The following DNAJC6 variants were observed in gnomAD, a reference collection of about 807,000 sequenced individuals.
DNAJC6 encodes the protein auxilin.
DNAJC6 carries 34 observed loss-of-function variants against 110.0 expected under a neutral mutation model. That is an observed-to-expected ratio of 0.31 (90% CI 0.24 to 0.41). The LOEUF is 0.41. DNAJC6 is among the 10% of genes least tolerant of loss of function. The pLI, the probability that DNAJC6 is intolerant of heterozygous loss-of-function variation, is 1.00. For synonymous variants in DNAJC6, 406 were observed against 437.2 expected (o/e 0.93, Z 0.89); for missense variants, 1,031 against 1,207.8 (o/e 0.85, Z 2.17).
Position 65,392,753 on chromosome 1 carries a change from A to G in DNAJC6, c.1791A>G (p.Gly597=). 1.2e-6 allele frequency: 2 copies of G among 1,612,950 alleles called. No individual in the cohort carries two copies. The highest frequency in any genetic ancestry group is 2.2e-5 in the South Asian group (2 of 90,818). ...GGGAAGPTQA[G]QSGVEDVFHP... is the part of the protein sequence containing the mutation. Reference sequence around the variant, plus strand: ...GTGCAGCTGGTCCCACCCAGGCTGGACAGTCAGGAGTGGAAGATGTGTTTC... The same window carrying G: ...GTGCAGCTGGTCCCACCCAGGCTGGGCAGTCAGGAGTGGAAGATGTGTTTC... The change falls in exon 12 of 19, where the codon GGA becomes GGG. Residue 597 remains glycine (G), a synonymous_variant. Transcript: ENST00000371069.
At chr1:65,363,238 A>G (rs965788247) in intron 1 of DNAJC6, among the ~76,000 whole-genome samples, 9 of 152,126 alleles carry the variant, frequency 5.9e-5, no homozygotes, top group African/African-American at 1.9e-4. Flanking sequence ...TTGAGTGGGG[A>G]CATAGAACCA....
chr1:65,288,768 AT>A (rs1330465838), intron 1 of DNAJC6, among the ~76,000 whole-genome samples: 3 of 152,214 alleles, frequency 2.0e-5, no homozygotes, highest in African/African-American at 7.2e-5. Context: ...AAATGGAATC[AT>A]TTAGTATATG....
At chr1:65,382,336 G>A (rs1244674781) in intron 5 of DNAJC6, among the ~76,000 whole-genome samples, 1 of 152,136 alleles carries the variant, frequency 6.6e-6, no homozygotes, top group African/African-American at 2.4e-5. Flanking sequence ...AGTTGAGGCT[G>A]AATATCTGCT....
intron 1 of DNAJC6, among the ~76,000 whole-genome samples, chr1:65,333,237 C>A (rs1254656641): frequency 1.3e-5 from 2 of 152,128 alleles, no homozygotes; most frequent in African/African-American, 4.8e-5. Flanking sequence ...CTCATCTGGG[C>A]TCAGCAGAGA....
chr1:65,363,454 A>G (rs1342639709), intron 1 of DNAJC6, among the ~76,000 whole-genome samples: 4 of 152,054 alleles, frequency 2.6e-5, no homozygotes, highest in Non-Finnish European at 5.9e-5. Flanking sequence ...GAGAGAGAGA[A>G]AAACTATGGA....
intron 1 of DNAJC6, among the ~76,000 whole-genome samples, chr1:65,331,127 AG>A (rs139883043): frequency 0.059 from 8,994 of 152,228 alleles, 868 homozygotes; most frequent in African/African-American, 0.2. Flanking sequence ...AAGAACAAGG[AG>A]GGGAGAATGG....
chr1:65,296,972 A>G (rs1644935409), intron 1 of DNAJC6, among the ~76,000 whole-genome samples: 6 of 152,196 alleles, frequency 3.9e-5, no homozygotes, highest in Admixed American at 3.9e-4. Flanking sequence ...TGGAGCTTAC[A>G]GTCTGGTGTG....
chr1:65,327,355 A>G (rs1235428156), intron 1 of DNAJC6, among the ~76,000 whole-genome samples: 1 of 152,188 alleles, frequency 6.6e-6, no homozygotes, highest in African/African-American at 2.4e-5. Context: ...GGCTTCCCCA[A>G]GGTCATAGAG....
intron 17 of DNAJC6, among the ~76,000 whole-genome samples, chr1:65,410,963 A>T (rs551893358): frequency 9.2e-5 from 14 of 152,178 alleles, no homozygotes; most frequent in African/African-American, 3.4e-4. Flanking sequence ...GTTTATATTG[A>T]GTATAACTCT....
Position 65,323,682 on chromosome 1 carries a change from A to G in DNAJC6, c.193+13744A>G, listed in dbSNP as rs756707830. ...ATGATCAAAGCCCCCTGCAACCTTC[A>G]CCTCCTGGGGTCAAGCAGTCTTCCC... On this transcript the variant is annotated intron_variant, in intron 1 of 18. Transcript: ENST00000371069. Among the ~76,000 whole-genome samples, 33 of 151,412 alleles carry G rather than the reference A, an allele frequency of 2.2e-4. 1 individual carries two copies. Among genetic ancestry groups the G allele is most frequent in the Non-Finnish European group, 3.7e-4 (25 of 67,794 alleles).
chr1:65,300,512 G>A (rs1644969343), intron 1 of DNAJC6, among the ~76,000 whole-genome samples: 1 of 152,150 alleles, frequency 6.6e-6, no homozygotes, highest in Admixed American at 6.5e-5. Flanking sequence ...AGACATGAAA[G>A]AGACTGAAAA....
chr1:65,372,794 G>A (rs1001152498), intron 4 of DNAJC6, among the ~76,000 whole-genome samples: 13 of 152,036 alleles, frequency 8.6e-5, no homozygotes, highest in African/African-American at 3.1e-4. Flanking sequence ...ATGACTAAGC[G>A]TTTCTGTCTG....
chr1:65,309,681 TTCC>T lies in DNAJC6; in HGVS notation c.-64_-62del. 6.5e-7 allele frequency: 1 copy of T among 1,528,448 alleles called. No homozygotes were observed. Among genetic ancestry groups the T allele is most frequent in the Non-Finnish European group, 8.8e-7 (1 of 1,138,264 alleles). The allele number at this position is 1,528,448 out of a possible 1,614,324, so 94.7% of individuals were successfully genotyped here. ...TTTTTTTAATTCCTTCTTCAGCCCT[TTCC>T]ACCTTCCATCTCCCTTTTCGCTTCC... On this transcript the variant is annotated 5_prime_UTR_variant, in exon 1 of 19. Transcript: ENST00000371069.
chr1:65,314,017 C>G (rs879380238), intron 1 of DNAJC6, among the ~76,000 whole-genome samples: 3 of 152,058 alleles, frequency 2.0e-5, no homozygotes, highest in Non-Finnish European at 2.9e-5. Flanking sequence ...CTTAATTTAC[C>G]AAGTTCATAA....
At chr1:65,332,097 A>G (rs866934183) in intron 1 of DNAJC6, among the ~76,000 whole-genome samples, 2 of 152,186 alleles carry the variant, frequency 1.3e-5, no homozygotes, top group South Asian at 2.1e-4. Flanking sequence ...GTTAGAGATC[A>G]CAGGCTTTTC....
intron 4 of DNAJC6, among the ~76,000 whole-genome samples, chr1:65,368,758 C>A (rs1354692524): frequency 1.1e-5 from 1 of 93,126 alleles, no homozygotes; most frequent in African/African-American, 3.7e-5. Flanking sequence ...CCCCTCCCTT[C>A]TCTTCCCTCC....
At chr1:65,345,300 A>G (rs1010455913) in intron 1 of DNAJC6, among the ~76,000 whole-genome samples, 3 of 151,630 alleles carry the variant, frequency 2.0e-5, no homozygotes, top group African/African-American at 4.8e-5. Flanking sequence ...CCACTTTCCC[A>G]TATAGAAATA....
intron 9 of DNAJC6, 40 bp downstream of exon 9, chr1:65,388,455 T>C (rs1401858651): frequency 6.3e-7 from 1 of 1,586,826 alleles, no homozygotes; most frequent in Non-Finnish European, 8.6e-7. Flanking sequence ...TGAATCAAAT[T>C]AGCTGTGAAG....
chr1:65,351,608 T>C (rs530089289), intron 1 of DNAJC6, among the ~76,000 whole-genome samples: 2 of 152,324 alleles, frequency 1.3e-5, no homozygotes, highest in Admixed American at 6.5e-5. Flanking sequence ...GGTGTATGTG[T>C]ATGCGTATAT....
Sources: allele counts gnomAD v4.1 joint callset (sites outside exome capture counted in the v4.1 genomes callset), GRCh38; gene constraint gnomAD v4.1.1; transcripts MANE v1.5; gene names NCBI Gene and HGNC (gene_info 2026-07-23, HGNC 2026-07-21).